Variants in QSER1 observed in about 807,000 individuals in gnomAD.
QSER1 encodes glutamine and serine-rich protein 1.
A neutral mutation model predicts 158.5 loss-of-function variants in QSER1; 49 were observed. That is an observed-to-expected ratio of 0.31 (90% confidence interval 0.25 to 0.39). The LOEUF (loss-of-function observed/expected upper bound fraction) is 0.39. QSER1 is among the 10% of genes least tolerant of loss of function. QSER1 has a pLI of 1.00. For synonymous variants in QSER1, 650 were observed against 715.5 expected (o/e 0.91, Z 1.46); for missense variants, 1,754 against 2,010.3 (o/e 0.87, Z 2.44).
chr11:32,896,023 T>C (rs546253119), intron 1 of QSER1, among the ~76,000 whole-genome samples: 1 of 152,360 alleles, frequency 6.6e-6, no homozygotes, highest in African/African-American at 2.4e-5. Context: ...GGATAAGGAC[T>C]GGCCATATAA....
chr11:32,972,217 A>G (rs1433172769), intron 10 of QSER1, among the ~76,000 whole-genome samples: 1 of 152,076 alleles, frequency 6.6e-6, no homozygotes, highest in Non-Finnish European at 1.5e-5. Flanking sequence ...TGAATCATAA[A>G]TATAATAGGA....
chr11:32,906,320 G>A (rs1035904659), intron 1 of QSER1, among the ~76,000 whole-genome samples: 9 of 152,190 alleles, frequency 5.9e-5, no homozygotes, highest in Admixed American at 1.3e-4. Flanking sequence ...TACTTGGGAG[G>A]CTGAGGCAGG....
chr11:32,968,480 T>C (rs1852789667), intron 9 of QSER1, among the ~76,000 whole-genome samples: 1 of 152,218 alleles, frequency 6.6e-6, no homozygotes, highest in African/African-American at 2.4e-5. Flanking sequence ...TAGGAATCTT[T>C]GTCATAATTT....
chr11:32,895,452 T>C (rs1851542751), intron 1 of QSER1, among the ~76,000 whole-genome samples: 1 of 152,182 alleles, frequency 6.6e-6, no homozygotes, highest in Admixed American at 6.5e-5. Flanking sequence ...TTCCCTTTGA[T>C]TTCAGTTATA....
At chr11:32,946,468 A>C (rs1311858440) in intron 4 of QSER1, among the ~76,000 whole-genome samples, 1 of 152,006 alleles carries the variant, frequency 6.6e-6, no homozygotes, top group South Asian at 2.1e-4. Flanking sequence ...CAGGACCCTC[A>C]GCTGCAGGTC....
At chr11:32,970,946 C>CTTTTGTT (rs1852841957) in intron 10 of QSER1, among the ~76,000 whole-genome samples, 1 of 76,870 alleles carries the variant, frequency 1.3e-5, no homozygotes, top group Non-Finnish European at 2.2e-5. Context: ...AAGCAATTTG[C>CTTTTGTT]TTTTTTTTTT....
At chr11:32,952,061 A>T (rs1015818662) in intron 4 of QSER1, among the ~76,000 whole-genome samples, 2 of 152,152 alleles carry the variant, frequency 1.3e-5, no homozygotes, top group African/African-American at 4.8e-5. Context: ...GCTGGTCTCG[A>T]ACTCCTGATC....
At chr11:32,946,748 T>A (rs1371075221) in intron 4 of QSER1, among the ~76,000 whole-genome samples, 1 of 151,952 alleles carries the variant, frequency 6.6e-6, no homozygotes. Context: ...TGAGCTGTGG[T>A]GGGCTCCACC....
Position 32,935,233 on chromosome 11 carries a change from A to C in QSER1, c.3975A>C (p.Ser1325=). 1.2e-6 allele frequency: 2 copies of C among 1,614,010 alleles called. No homozygotes were observed. Among genetic ancestry groups the C allele is most frequent in the Non-Finnish European group, 1.7e-6 (2 of 1,179,922 alleles). The change falls in exon 4 of 13, where the codon TCA becomes TCC. Residue 1325 remains serine (S), a synonymous_variant. Coordinates refer to ENST00000650167, the MANE Select transcript of QSER1 (RefSeq NM_001076786.3). ...GTCCCCCACCACTTCCCAAGCCTTC[A>C]TCTACAACACCCACACCTTTAGTGT... ...TFCPPPLPKP[S]STTPTPLVSE...
chr11:32,918,750 T>C (rs1851866175), intron 1 of QSER1, among the ~76,000 whole-genome samples: 1 of 151,980 alleles, frequency 6.6e-6, no homozygotes, highest in Non-Finnish European at 1.5e-5. Context: ...GTTCAAGAAG[T>C]GATTGGAGTT....
chr11:32,942,551 G>A (rs1163409907), intron 4 of QSER1, among the ~76,000 whole-genome samples: 3 of 151,838 alleles, frequency 2.0e-5, no homozygotes, highest in African/African-American at 4.8e-5. Context: ...GTAGATGTGC[G>A]GCATTATTTC....
intron 4 of QSER1, among the ~76,000 whole-genome samples, chr11:32,937,404 C>T (rs555585197): frequency 7.9e-5 from 12 of 152,276 alleles, no homozygotes; most frequent in Non-Finnish European, 1.8e-4. Context: ...CCTTCCTCAG[C>T]CTCCTGAGCA....
intron 10 of QSER1, among the ~76,000 whole-genome samples, chr11:32,971,052 C>CA (rs1852846303): frequency 6.9e-6 from 1 of 144,450 alleles, no homozygotes; most frequent in African/African-American, 2.5e-5. Flanking sequence ...TCTCCTGCCT[C>CA]AGTCTCTGGA....
At chr11:32,966,554 A>G in intron 9 of QSER1, 117 bp downstream of exon 9, 1 of 819,532 alleles carries the variant, frequency 1.2e-6, no homozygotes, top group African/African-American at 1.8e-5. Flanking sequence ...ATAAATTGTC[A>G]GTTAAATATA....
intron 4 of QSER1, among the ~76,000 whole-genome samples, chr11:32,950,654 C>A (rs1190474728): frequency 1.3e-5 from 2 of 152,118 alleles, no homozygotes; most frequent in African/African-American, 2.4e-5. Context: ...CAAAGAGAAA[C>A]CCTGTATCCA....
At chr11:32,919,322 T>C (rs1310316427) in intron 1 of QSER1, among the ~76,000 whole-genome samples, 9 of 152,216 alleles carry the variant, frequency 5.9e-5, no homozygotes, top group Non-Finnish European at 1.2e-4. Flanking sequence ...AGTATTGCTA[T>C]GTTGCTCAGT....
At position 32,935,379 on chromosome 11, in the gene QSER1, G is replaced by A; in HGVS notation, c.4121G>A (p.Ser1374Asn). 6.3e-7 allele frequency: 1 copy of A among 1,597,774 alleles called. No individual in the cohort carries two copies. Among genetic ancestry groups the A allele is most frequent in the Non-Finnish European group, 8.5e-7 (1 of 1,175,446 alleles). Reference sequence around the variant, plus strand: ...GGATATAGTCAAGATGCTTATAAAAGCGTCTCTACTCCCTTAACTACTTTG... The same window carrying A: ...GGATATAGTCAAGATGCTTATAAAAACGTCTCTACTCCCTTAACTACTTTG... ...DPGYSQDAYKSVSTPLTTLDA... is the reference protein window; with the variant it reads ...DPGYSQDAYKNVSTPLTTLDA... Residue 1374 changes from serine to asparagine, a missense_variant, in exon 4 of 13, where the codon AGC becomes AAC. This residue lies in a region of QSER1 where 1,707 missense variants were observed against 1,919.6 expected (regional missense o/e 0.89). Coordinates refer to ENST00000650167, the MANE Select transcript of QSER1 (RefSeq NM_001076786.3).
rs1852068600 is a variant in QSER1 at position 32,932,663 on chromosome 11, C to G, written c.1405C>G (p.Gln469Glu). 6.2e-7 allele frequency: 1 copy of G among 1,614,028 alleles called. No individual in the cohort carries two copies. The highest frequency in any genetic ancestry group is 8.5e-7 in the Non-Finnish European group (1 of 1,180,016). The change falls in exon 4 of 13, where the codon CAG becomes GAG. Residue 469 changes from glutamine to glutamate, a missense_variant. Physicochemically the swap from Gln to Glu is conservative, Grantham distance 29 (BLOSUM62 2). Transcript: ENST00000650167. Reference sequence around the variant, plus strand: ...GCTACCAAGCCTTTTATCAGTTAGTCAGTCCCAAAATTACGGTTTAGTACA... The same window carrying G: ...GCTACCAAGCCTTTTATCAGTTAGTGAGTCCCAAAATTACGGTTTAGTACA... The part of the protein sequence containing the change: ...AQLPSLLSVS[Q>E]SQNYGLVQPH...
intron 1 of QSER1, among the ~76,000 whole-genome samples, chr11:32,918,112 TGA>T (rs1851858614): frequency 6.6e-6 from 1 of 152,152 alleles, no homozygotes; most frequent in African/African-American, 2.4e-5. Flanking sequence ...AGTAGAAGTT[TGA>T]GAGATTATTG....
Sources: gnomAD v4.1 joint callset for allele counts (sites outside exome capture counted in the v4.1 genomes callset) on GRCh38, gnomAD v4.1.1 for gene constraint, gnomAD v4.1.1 regional missense constraint, MANE v1.5 for transcripts, NCBI Gene and HGNC (gene_info 2026-07-23, HGNC 2026-07-21) for gene names.